The following ZBTB49 variants were observed in gnomAD, a reference collection of about 807,000 sequenced individuals.
ZBTB49 encodes the protein zinc finger and BTB domain containing 49.
ZBTB49 carries 43 observed loss-of-function variants against 57.5 expected under a neutral mutation model. The ratio of observed to expected loss-of-function variants is 0.75; its 90% CI spans 0.59 to 0.97. The LOEUF (loss-of-function observed/expected upper bound fraction) is 0.97. ZBTB49 is among the 50% of genes least tolerant of loss of function. The pLI is 0.00. For synonymous variants in ZBTB49, 369 were observed against 362.1 expected (o/e 1.02, Z -0.22); for missense variants, 938 against 947.7 (o/e 0.99, Z 0.13).
intron 1 of ZBTB49, among the ~76,000 whole-genome samples, 152 bp from the exon 2 acceptor site, chr4:4,299,775 A>G (rs913963687): frequency 9.2e-5 from 11 of 119,452 alleles, no homozygotes; most frequent in Middle Eastern, 3.8e-3. Context: ...TCAGAAACAG[A>G]GGTGTGTGTG....
intron 7 of ZBTB49, among the ~76,000 whole-genome samples, chr4:4,318,516 A>G (rs1239665700): frequency 3.9e-5 from 6 of 152,160 alleles, no homozygotes; most frequent in Non-Finnish European, 7.3e-5. Context: ...CTGAGGCACA[A>G]GAATTAACTT....
chr4:4,303,002 T>G lies in ZBTB49; in HGVS notation c.1166T>G (p.Leu389Arg). 1.2e-6 allele frequency: 2 copies of G among 1,614,176 alleles called. No individual in the cohort carries two copies. The highest frequency in any genetic ancestry group is 3.3e-5 in the Admixed American group (2 of 60,002). The change falls in exon 3 of 8, where the codon CTT (leucine) becomes CGT (arginine). Residue 389 changes from leucine to arginine, a missense_variant. Leu to Arg is a moderately radical substitution (Grantham distance 102). Around this residue, in one of 3 missense-constraint regions of ZBTB49, gnomAD observed 835 missense variants for 819.1 expected, o/e 1.02. Coordinates refer to ENST00000337872, the MANE Select transcript of ZBTB49 (RefSeq NM_145291.4). ...PAALEDQSQT[L>R]QSQRQYACEL... ...GCCCTGGAAGACCAGTCCCAGACAC[T>G]TCAGTCCCAGAGACAATACGCGTGT...
chr4:4,314,922 C>T (rs1049650171), intron 5 of ZBTB49, among the ~76,000 whole-genome samples: 1 of 152,176 alleles, frequency 6.6e-6, no homozygotes, highest in African/African-American at 2.4e-5. Context: ...AACATGTAAC[C>T]GATCACCTGC....
chr4:4,314,532 C>A (rs1966762), intron 5 of ZBTB49, among the ~76,000 whole-genome samples: 36,596 of 152,086 alleles, frequency 0.24, 4,901 homozygotes, highest in Admixed American at 0.32. Flanking sequence ...CCACCATACC[C>A]GGTTAATTTT....
At chr4:4,320,277 G>A (rs1721351421) in intron 7 of ZBTB49, among the ~76,000 whole-genome samples, 2 of 152,190 alleles carry the variant, frequency 1.3e-5, no homozygotes, top group Non-Finnish European at 2.9e-5. Context: ...GCTGTCTGCT[G>A]GAGGGGTCCG....
chr4:4,313,147 G>A lies in ZBTB49; in HGVS notation c.1376+33G>A, dbSNP rs757787827. The stretch of plus-strand genomic sequence containing the variant: ...CTGGGCGTGTTCTTCCGTGTGGAAG[G>A]GAGCATGTCTAGTCTCAGTGTCTTT... On this transcript the variant is annotated intron_variant, in intron 5 of 7. Transcript: ENST00000337872. 6.2e-6 allele frequency: 10 copies of A among 1,612,038 alleles called. No individual in the cohort carries two copies. The African/African-American group carries it at 1.3e-4, about 22-fold the overall frequency.
intron 7 of ZBTB49, 35 bp downstream of exon 7, chr4:4,316,005 T>A (rs1721181447): frequency 1.2e-6 from 2 of 1,608,118 alleles, no homozygotes; most frequent in South Asian, 2.2e-5. Flanking sequence ...CCTAGTCATC[T>A]GTGTGTGGGA....
chr4:4,305,960 C>T (rs1720715403), intron 3 of ZBTB49, among the ~76,000 whole-genome samples, 178 bp from the exon 4 acceptor site: 1 of 152,204 alleles, frequency 6.6e-6, no homozygotes, highest in Non-Finnish European at 1.5e-5. Flanking sequence ...CTTTTATCAT[C>T]TCTGTGTAGA....
chr4:4,319,356 C>T (rs1172956454), intron 7 of ZBTB49, among the ~76,000 whole-genome samples: 2 of 152,118 alleles, frequency 1.3e-5, no homozygotes, highest in Non-Finnish European at 2.9e-5. Flanking sequence ...AAATATTTGT[C>T]CATGTGAGTT....
At chr4:4,309,806 T>C (rs1164142530) in intron 4 of ZBTB49, among the ~76,000 whole-genome samples, 1 of 152,246 alleles carries the variant, frequency 6.6e-6, no homozygotes, top group Non-Finnish European at 1.5e-5. Flanking sequence ...TACATTGTCA[T>C]CTCTGAGGTT....
chr4:4,290,423 C>G (rs781079624), intron 1 of ZBTB49, 71 bp downstream of exon 1: 1 of 152,376 alleles, frequency 6.6e-6, no homozygotes, highest in Non-Finnish European at 1.5e-5. Context: ...GGAAGGGAGG[C>G]CGGGCGCCCG....
intron 4 of ZBTB49, among the ~76,000 whole-genome samples, chr4:4,309,338 G>A (rs551387495): frequency 5.9e-5 from 9 of 152,260 alleles, no homozygotes; most frequent in South Asian, 2.1e-4. Context: ...ATACTTTAAC[G>A]GAAGAGTCAT....
At position 4,321,567 on chromosome 4, in the gene ZBTB49, TCAG is replaced by T; in HGVS notation, c.*256_*258del. 1.9e-6 allele frequency: 1 copy of T among 535,344 alleles called. No homozygotes were observed. Among genetic ancestry groups the T allele is most frequent in the Non-Finnish European group, 3.3e-6 (1 of 302,824 alleles). 33.2% of individuals were successfully genotyped at this position (535,344 alleles called of 1,614,324 possible). A position where few individuals can be genotyped will look rare whatever the true frequency, so the allele number is the denominator to read the frequency against. The stretch of plus-strand genomic sequence containing the variant: ...ACAGAAGCGAAGGCTTGATGCTGTC[TCAG>T]CAGCCTCAGCTGTGGGGGGGAAGCG... On this transcript the variant is annotated 3_prime_UTR_variant, in exon 8 of 8. Transcript: ENST00000337872.
intron 4 of ZBTB49, among the ~76,000 whole-genome samples, 178 bp from the exon 5 acceptor site, chr4:4,312,863 A>G (rs1294341119): frequency 2.0e-5 from 3 of 152,046 alleles, no homozygotes; most frequent in Non-Finnish European, 2.9e-5. Context: ...GTGGCCAGGC[A>G]CTCTGGCTGC....
intron 7 of ZBTB49, among the ~76,000 whole-genome samples, chr4:4,319,316 T>A (rs924293060): frequency 6.6e-6 from 1 of 152,196 alleles, no homozygotes; most frequent in Admixed American, 6.5e-5. Flanking sequence ...GCTAGATAGC[T>A]GAGAATTCAG....
intron 4 of ZBTB49, among the ~76,000 whole-genome samples, chr4:4,308,367 G>T (rs1275722961): frequency 6.6e-6 from 1 of 152,146 alleles, no homozygotes; most frequent in Admixed American, 6.5e-5. Context: ...GTGAGCCACC[G>T]TGCCCAGCCA....
At chr4:4,309,568 A>G (rs1560112535) in intron 4 of ZBTB49, among the ~76,000 whole-genome samples, 1 of 152,242 alleles carries the variant, frequency 6.6e-6, no homozygotes, top group East Asian at 1.9e-4. Context: ...AAACAGAAAC[A>G]CTGGGCAGCT....
chr4:4,300,085 G>A lies in ZBTB49; in HGVS notation c.140G>A (p.Ser47Asn). 6.2e-7 allele frequency: 1 copy of A among 1,614,096 alleles called. No individual in the cohort carries two copies. The highest frequency in any genetic ancestry group is 8.5e-7 in the Non-Finnish European group (1 of 1,179,998). The change falls in exon 2 of 8, where the codon AGC (serine) becomes AAC (asparagine). Residue 47 changes from serine (S) to asparagine (N), a missense_variant. Coordinates refer to ENST00000337872, the MANE Select transcript of ZBTB49 (RefSeq NM_145291.4). ...CATAAGAATGTCCTGGCAGCATTCA[G>A]CCAGTATTTTAGGTGGGTATTTTAG... ...KAHKNVLAAF[S>N]QYFRSLFQNS... is the part of the protein sequence containing the mutation.
In ZBTB49 at chr4:4,321,167, G is replaced by A; in HGVS notation, c.2149G>A (p.Ala717Thr). 6.2e-7 allele frequency: 1 copy of A among 1,614,166 alleles called. No individual in the cohort carries two copies. The highest frequency in any genetic ancestry group is 8.5e-7 in the Non-Finnish European group (1 of 1,180,038). Residue 717 changes from alanine (A) to threonine (T), a missense_variant, in exon 8 of 8, where the codon GCT becomes ACT. Around this residue, in one of 3 missense-constraint regions of ZBTB49, gnomAD observed 835 missense variants for 819.1 expected, o/e 1.02. Transcript: ENST00000337872. ...DGMAMIRSSL[A>T]ALDNHGGDPL... ...CATGGCCATGATCCGTTCCTCTCTG[G>A]CTGCTTTGGACAACCACGGCGGTGA... is the stretch of plus-strand genomic sequence containing the variant.
Sources: allele counts gnomAD v4.1 joint callset (sites outside exome capture counted in the v4.1 genomes callset), GRCh38; gene constraint gnomAD v4.1.1; regional missense constraint gnomAD v4.1.1; transcripts MANE v1.5; gene names NCBI Gene and HGNC (gene_info 2026-07-23, HGNC 2026-07-21).